RASA3: variants seen among roughly 807,000 people sequenced by gnomAD.
RASA3 encodes the protein RAS p21 protein activator 3.
A neutral mutation model predicts 110.0 loss-of-function variants in RASA3; 73 were observed. That is an observed-to-expected ratio of 0.66 (90% confidence interval 0.55 to 0.81). The LOEUF (loss-of-function observed/expected upper bound fraction) is 0.81. Among genes scored for constraint, RASA3 ranks in the 30% least tolerant of loss-of-function variants. The pLI is 0.00. For synonymous variants in RASA3, 500 were observed against 451.4 expected, an observed-to-expected ratio of 1.11 and a Z score of -1.37; for missense variants, 976 against 1,113.2, an observed-to-expected ratio of 0.88 and a Z score of 1.75.
intron 5 of RASA3, 141 bp downstream of exon 5, chr13:114,029,670 C>G: frequency 1.3e-6 from 1 of 773,654 alleles, no homozygotes; most frequent in Non-Finnish European, 2.2e-6. Flanking sequence ...CCTGGTGGGC[C>G]AGGACCTCTA....
chr13:114,117,894 G>A (rs1395033846), intron 1 of RASA3, among the ~76,000 whole-genome samples: 3 of 149,594 alleles, frequency 2.0e-5, no homozygotes, highest in Non-Finnish European at 4.5e-5. Flanking sequence ...AGGGGTGCAC[G>A]TGTGTGAGGG....
intron 4 of RASA3, among the ~76,000 whole-genome samples, chr13:114,030,444 A>AG (rs1218389777): frequency 0.02 from 2,338 of 114,182 alleles, 146 homozygotes; most frequent in East Asian, 0.046. Context: ...AGGCTCACAC[A>AG]GAGGGCAAGG....
rs2053028258 is a variant in RASA3 at position 113,988,766 on chromosome 13, A to T, written c.2245+3719T>A. ...CCACCCATCACTCACCCTTTGGTCC[A>T]TGAACCTAACACTCACCCATCTGCC... is the stretch of plus-strand genomic sequence containing the variant. On this transcript the variant is annotated intron_variant, in intron 22 of 23. Transcript: ENST00000334062. 2.5e-5 allele frequency among the ~76,000 whole-genome samples: 3 copies of T among 117,980 alleles called. No individual in the cohort carries two copies. The South Asian group carries it at 1.0e-3, about 40-fold the overall frequency. 77.4% of individuals were successfully genotyped at this position (117,980 alleles called of 152,430 possible).
intron 18 of RASA3, among the ~76,000 whole-genome samples, chr13:114,004,351 GA>G (rs2053467049): frequency 9.9e-6 from 1 of 100,588 alleles, no homozygotes; most frequent in Non-Finnish European, 1.8e-5. Context: ...AATTTAGAAG[GA>G]ACTCAAACAA....
In RASA3 at chr13:114,011,129, T is replaced by C. The variant is rs2053629341; in HGVS notation, c.1590+42A>G. The C allele has an allele frequency of 1.3e-6, 2 of 1,507,322 alleles. No individual in the cohort carries two copies. Among genetic ancestry groups the C allele is most frequent in the Non-Finnish European group, 1.8e-6 (2 of 1,087,822 alleles). The allele number at this position is 1,507,322 out of a possible 1,614,324, so 93.4% of individuals were successfully genotyped here. The stretch of plus-strand genomic sequence containing the variant: ...TGTATTTTCTGAAGAGAGAAAAGAA[T>C]CAGTTGTCCCTAAAAAGAGAAAATG... On this transcript the variant is annotated intron_variant, in intron 16 of 23. Coordinates refer to ENST00000334062, the MANE Select transcript of RASA3 (RefSeq NM_007368.4). The surrounding 1 kb of genome is among the most constrained non-coding windows in gnomAD (Gnocchi z 4.8).
chr13:114,026,185 C>G (rs1438767952), intron 7 of RASA3, among the ~76,000 whole-genome samples: 1 of 152,058 alleles, frequency 6.6e-6, no homozygotes, highest in Non-Finnish European at 1.5e-5. Flanking sequence ...TGATGAGCAC[C>G]CGTGTGTGGC....
chr13:114,081,308 G>C (rs2079785209), intron 1 of RASA3, among the ~76,000 whole-genome samples: 2 of 152,172 alleles, frequency 1.3e-5, no homozygotes, highest in Admixed American at 6.5e-5. Context: ...CTTGGAGCCA[G>C]GTCAGCCAGA....
intron 2 of RASA3, among the ~76,000 whole-genome samples, chr13:114,064,338 A>G (rs998867348): frequency 4.6e-5 from 7 of 152,140 alleles, no homozygotes; most frequent in African/African-American, 1.7e-4. Context: ...AAGTGGCCAC[A>G]GCACCATCAC....
At chr13:114,089,270 G>A (rs946119269) in intron 1 of RASA3, among the ~76,000 whole-genome samples, 2 of 149,078 alleles carry the variant, frequency 1.3e-5, no homozygotes, top group Non-Finnish European at 3.0e-5. Flanking sequence ...GGGGAGACGA[G>A]GGGAGACGAG....
chr13:114,106,723 A>G (rs2080139834), intron 1 of RASA3, among the ~76,000 whole-genome samples: 1 of 152,182 alleles, frequency 6.6e-6, no homozygotes, highest in Admixed American at 6.5e-5. Context: ...TTTTTGGCTT[A>G]ACACCTGAAC....
chr13:114,017,980 A>T, intron 11 of RASA3, 124 bp downstream of exon 11: 1 of 1,140,406 alleles, frequency 8.8e-7, no homozygotes, highest in Non-Finnish European at 1.2e-6. Flanking sequence ...CTGAATCAAC[A>T]TGGTTTCTGG....
chr13:114,057,207 CT>C lies in RASA3; in HGVS notation c.174-5053del. The C allele has an allele frequency of 3.0e-6, 3 of 984,766 alleles. No individual in the cohort carries two copies. The highest frequency in any genetic ancestry group is 3.6e-6 in the Non-Finnish European group (3 of 829,340). The allele number at this position is 984,766 out of a possible 1,614,324, so 61.0% of individuals were successfully genotyped here. On this transcript the variant is annotated intron_variant, in intron 2 of 23. Coordinates refer to ENST00000334062, the MANE Select transcript of RASA3 (RefSeq NM_007368.4). This position sits in a 1 kb window ranked among gnomAD's most constrained non-coding sequence, Gnocchi z 5.0. The stretch of plus-strand genomic sequence containing the variant: ...TTCTTATTTCATATAACTTTTTAAA[CT>C]TAAAGTAATAAAGTTATTACTAACT...
intron 1 of RASA3, among the ~76,000 whole-genome samples, chr13:114,090,563 G>T (rs1302442077): frequency 1.3e-5 from 2 of 152,150 alleles, no homozygotes; most frequent in Non-Finnish European, 2.9e-5. Flanking sequence ...GACCAGGCAG[G>T]CTTGCCCCCT....
Position 114,027,907 on chromosome 13 carries a change from A to T in RASA3, c.470T>A (p.Leu157His). 6.2e-7 allele frequency: 1 copy of T among 1,613,704 alleles called. No individual in the cohort carries two copies. Among genetic ancestry groups the T allele is most frequent in the Non-Finnish European group, 8.5e-7 (1 of 1,179,856 alleles). Residue 157 changes from leucine to histidine, a missense_variant, in exon 6 of 24, where the codon CTC becomes CAC. This residue lies in a region of RASA3 where 732 missense variants were observed against 779.7 expected (regional missense o/e 0.94). Coordinates refer to ENST00000334062, the MANE Select transcript of RASA3 (RefSeq NM_007368.4). ...LATRIVECQGLPIVNGQCDPY... is the reference protein window; with the variant it reads ...LATRIVECQGHPIVNGQCDPY... ...GTCACATTGCCCATTCACGATGGGG[A>T]GGCCCTGGCACTCGACGATGCTGAG...
intron 22 of RASA3, among the ~76,000 whole-genome samples, chr13:113,991,996 C>T (rs1021329350): frequency 4.6e-5 from 7 of 152,132 alleles, no homozygotes; most frequent in East Asian, 1.9e-4. Context: ...CACACATTCA[C>T]ACATGCTCAC....
intron 4 of RASA3, among the ~76,000 whole-genome samples, chr13:114,030,627 T>C (rs1186046888): frequency 6.6e-6 from 1 of 152,234 alleles, no homozygotes; most frequent in African/African-American, 2.4e-5. Context: ...TCTCTCTAGA[T>C]CAGTCTGTCT....
chr13:114,018,890 C>T lies in RASA3; in HGVS notation c.815G>A (p.Ser272Asn), dbSNP rs748336879. The T allele has an allele frequency of 1.2e-6, 2 of 1,613,890 alleles. No individual in the cohort carries two copies. Among genetic ancestry groups the T allele is most frequent in the East Asian group, 2.2e-5 (1 of 44,892 alleles). The change falls in exon 10 of 24, where the codon AGC becomes AAC. Residue 272 changes from serine (S) to asparagine (N), a missense_variant. Transcript: ENST00000334062. ...CAGGTCGTCTGGCTTTAGGCTCTTG[C>T]TACCATTGTCCCGGGGCTGGAGGAA... is the stretch of plus-strand genomic sequence containing the variant. ...WYFLQPRDNGSKSLKPDDLGS... is the reference protein window; with the variant it reads ...WYFLQPRDNGNKSLKPDDLGS...
Position 114,052,105 on chromosome 13 carries a change from T to C in RASA3, c.224A>G (p.His75Arg). 1 of 1,613,544 alleles carries C rather than the reference T, an allele frequency of 6.2e-7. No homozygotes were observed. Among genetic ancestry groups the C allele is most frequent in the Non-Finnish European group, 8.5e-7 (1 of 1,179,800 alleles). The stretch of plus-strand genomic sequence containing the variant: ...TCTATCGAAAATGTAGAAGGACAGG[T>C]GACGAAAGCTCCGAGGAATTTCACA... ...FYCEIPRSFR[H>R]LSFYIFDRDV... The change falls in exon 3 of 24, where the codon CAC becomes CGC. Residue 75 changes from histidine (H) to arginine (R), a missense_variant. His to Arg is a conservative substitution (Grantham distance 29). Around this residue, in one of 4 missense-constraint regions of RASA3, gnomAD observed 732 missense variants for 779.7 expected, o/e 0.94. Coordinates refer to ENST00000334062, the MANE Select transcript of RASA3 (RefSeq NM_007368.4).
intron 4 of RASA3, among the ~76,000 whole-genome samples, chr13:114,033,443 C>T (rs1159703981): frequency 1.1e-5 from 1 of 95,048 alleles, no homozygotes. Context: ...TGACACCACG[C>T]CCCACGGCAC....
Sources: allele counts gnomAD v4.1 joint callset (sites outside exome capture counted in the v4.1 genomes callset), GRCh38; gene constraint gnomAD v4.1.1; regional missense constraint gnomAD v4.1.1; non-coding constraint Gnocchi (gnomAD v3.1); transcripts MANE v1.5; gene names NCBI Gene and HGNC (gene_info 2026-07-23, HGNC 2026-07-21).